SLC4A5: variants seen among roughly 807,000 people sequenced by gnomAD.
SLC4A5 encodes electrogenic sodium bicarbonate cotransporter 4.
SLC4A5 carries 96 observed loss-of-function variants against 120.4 expected under a neutral mutation model. The observed-to-expected ratio is 0.80, with a 90% CI of 0.68 to 0.94. The LOEUF (loss-of-function observed/expected upper bound fraction) is 0.94. Among genes scored for constraint, SLC4A5 ranks in the 40% least tolerant of loss-of-function variants. SLC4A5 has a pLI of 0.00. For missense variants in SLC4A5, 1,259 were observed against 1,459.5 expected (o/e 0.86, Z 2.24); for synonymous variants, 550 against 571.1 (o/e 0.96, Z 0.53).
intron 9 of SLC4A5, among the ~76,000 whole-genome samples, chr2:74,264,850 C>T (rs544187626): frequency 4.6e-5 from 7 of 152,270 alleles, no homozygotes; most frequent in Admixed American, 3.3e-4. Flanking sequence ...GCAAGAGGCC[C>T]TCTCCCCTTT....
intron 5 of SLC4A5, among the ~76,000 whole-genome samples, chr2:74,324,195 A>T (rs1323221466): frequency 2.6e-5 from 4 of 152,242 alleles, no homozygotes; most frequent in Admixed American, 2.6e-4. Context: ...AGAATTACAC[A>T]ACAAAGAACC....
At chr2:74,252,353 A>G in exon 16 of SLC4A5, 3 of 1,613,738 alleles carry the variant, frequency 1.9e-6, no homozygotes, top group Non-Finnish European at 2.5e-6. Flanking sequence ...AGAGCCATTC[A>G]TCTGGCCCAG....
exon 24 of SLC4A5, chr2:74,232,622 A>G (rs1451030002): frequency 1.2e-6 from 2 of 1,613,378 alleles, no homozygotes; most frequent in African/African-American, 2.7e-5. Flanking sequence ...CACCCAGAAC[A>G]GGTCCAGATG....
chr2:74,325,167 G>A (rs1282650166), intron 5 of SLC4A5, among the ~76,000 whole-genome samples: 1 of 152,166 alleles, frequency 6.6e-6, no homozygotes, highest in Non-Finnish European at 1.5e-5. Context: ...TTTAAAATGT[G>A]TTATTTCCTA....
chr2:74,326,984 T>C (rs1480607674), intron 5 of SLC4A5, among the ~76,000 whole-genome samples: 1 of 152,156 alleles, frequency 6.6e-6, no homozygotes, highest in African/African-American at 2.4e-5. Flanking sequence ...GATAGAATCA[T>C]CTGGTGTTTA....
chr2:74,242,092 G>A lies in SLC4A5; in HGVS notation c.2060-40C>T, dbSNP rs138945223. ...ATGACACGGGGCAGGGTCAGCAGCT[G>A]TGGGGCTGGGAGCTGCATTCCCAAC... On this transcript the variant is annotated intron_variant, in intron 19 of 30. Transcript: ENST00000394019. The A allele has an allele frequency of 2.7e-4, 433 of 1,578,836 alleles. 2 individuals are homozygous for A. The African/African-American group carries it at 5.3e-3, about 19-fold the overall frequency.
chr2:74,233,196 G>A (rs1670153339), intron 23 of SLC4A5, among the ~76,000 whole-genome samples: 1 of 152,172 alleles, frequency 6.6e-6, no homozygotes, highest in Non-Finnish European at 1.5e-5. Context: ...TTTGGTCCTG[G>A]TCCTCAGAAA....
chr2:74,268,100 C>T (rs1671362133), intron 8 of SLC4A5, among the ~76,000 whole-genome samples: 1 of 151,982 alleles, frequency 6.6e-6, no homozygotes, highest in Non-Finnish European at 1.5e-5. Flanking sequence ...AATCTCTCAT[C>T]ACCTTTGATT....
At chr2:74,259,760 C>A in intron 11 of SLC4A5, 117 bp from the exon 12 acceptor site, 2 of 927,230 alleles carry the variant, frequency 2.2e-6, no homozygotes, top group East Asian at 4.8e-5. Context: ...ACTCCCTCCC[C>A]CTTAATCCTG....
chr2:74,319,927 G>A (rs1222756268), intron 5 of SLC4A5, among the ~76,000 whole-genome samples: 1 of 152,092 alleles, frequency 6.6e-6, no homozygotes, highest in Non-Finnish European at 1.5e-5. Context: ...TCACAACAGA[G>A]ACAAGAAAAG....
intron 12 of SLC4A5, among the ~76,000 whole-genome samples, chr2:74,257,487 G>A (rs2104014948): frequency 6.6e-6 from 1 of 152,266 alleles, no homozygotes; most frequent in South Asian, 2.1e-4. Context: ...GGGAAGGGGA[G>A]GAGATACGGG....
intron 7 of SLC4A5, among the ~76,000 whole-genome samples, chr2:74,293,101 C>T (rs1672224434): frequency 6.6e-6 from 1 of 152,064 alleles, no homozygotes; most frequent in Non-Finnish European, 1.5e-5. Context: ...ATTCGGGTGA[C>T]TCCAGGCCAC....
intron 8 of SLC4A5, among the ~76,000 whole-genome samples, chr2:74,279,091 A>C (rs767134797): frequency 4.6e-5 from 7 of 152,112 alleles, no homozygotes; most frequent in Non-Finnish European, 1.0e-4. Context: ...TTCCCTGGAC[A>C]CTTCTTGTAA....
chr2:74,290,105 C>T, intron 7 of SLC4A5: 1 of 979,416 alleles, frequency 1.0e-6, no homozygotes, highest in Non-Finnish European at 1.2e-6. Context: ...ACTCCTTGGG[C>T]CCCTGTGCCT....
chr2:74,320,799 T>C lies in SLC4A5; in HGVS notation c.-2-5774A>G, dbSNP rs139403049. Reference sequence around the variant, plus strand: ...AACAGGCACATCTTAGAGCAGGCTCTGGACAGGATGTCTTCAGGAAAAAAA... The same window carrying C: ...AACAGGCACATCTTAGAGCAGGCTCCGGACAGGATGTCTTCAGGAAAAAAA... On this transcript the variant is annotated intron_variant, in intron 5 of 30. Transcript: ENST00000394019. Among the ~76,000 whole-genome samples, 248 of 152,268 alleles carry C rather than the reference T, an allele frequency of 1.6e-3. 5 individuals carry two copies. Among genetic ancestry groups the C allele is most frequent in the African/African-American group, 5.8e-3 (241 of 41,560 alleles).
chr2:74,261,569 T>C (rs554220819), intron 11 of SLC4A5, among the ~76,000 whole-genome samples: 2 of 152,296 alleles, frequency 1.3e-5, no homozygotes, highest in Admixed American at 1.3e-4. Context: ...GCTCCTTTCT[T>C]TTCCCCAGCT....
rs1047894592 is a variant in SLC4A5, at chr2:74,255,388, G to A, written c.1025+387C>T. ...GCTCACTGCAACCTCTGCCTCCCGG[G>A]TTCAAGTGATTCTCCTGCCTCAGCC... On this transcript the variant is annotated intron_variant, in intron 13 of 30. Transcript: ENST00000394019. This position sits in a 1 kb window ranked among gnomAD's most constrained non-coding sequence, Gnocchi z 4.0. Among the ~76,000 whole-genome samples, 1 of 152,070 alleles carries A rather than the reference G, an allele frequency of 6.6e-6. No individual in the cohort carries two copies. The highest frequency in any genetic ancestry group is 2.4e-5 in the African/African-American group (1 of 41,384).
chr2:74,265,759 G>A (rs1671283112), intron 8 of SLC4A5, among the ~76,000 whole-genome samples: 1 of 152,148 alleles, frequency 6.6e-6, no homozygotes, highest in South Asian at 2.1e-4. Flanking sequence ...GAGTTCCCCT[G>A]CAAGGTCTGA....
intron 14 of SLC4A5, 54 bp downstream of exon 14, chr2:74,254,565 G>A (rs1281300882): frequency 2.9e-6 from 4 of 1,390,102 alleles, no homozygotes; most frequent in South Asian, 1.2e-5. Context: ...AAGGTGCAGT[G>A]CTTGGTGCAG....
Sources: gnomAD v4.1 joint callset for allele counts (sites outside exome capture counted in the v4.1 genomes callset) on GRCh38, gnomAD v4.1.1 for gene constraint, Gnocchi (gnomAD v3.1) non-coding constraint, MANE v1.5 for transcripts, NCBI Gene and HGNC (gene_info 2026-07-23, HGNC 2026-07-21) for gene names.